The following PATJ variants were observed in gnomAD, a reference collection of about 807,000 sequenced individuals.
The protein encoded by PATJ is inaD-like protein.
Under a neutral mutation model 224.9 loss-of-function variants are expected in PATJ, and 190 were observed. The observed-to-expected ratio is 0.84, with a 90% CI of 0.75 to 0.95. The LOEUF is 0.95. PATJ is among the 40% of genes least tolerant of loss of function. The pLI, the probability that PATJ is intolerant of heterozygous loss-of-function variation, is 0.00. For synonymous variants in PATJ, 769 were observed against 820.3 expected, an observed-to-expected ratio of 0.94 and a Z score of 1.07; for missense variants, 2,121 against 2,270.3, an observed-to-expected ratio of 0.93 and a Z score of 1.34.
At chr1:62,106,115 C>CAT (rs1553268293) in intron 33 of PATJ, among the ~76,000 whole-genome samples, 3,618 of 46,208 alleles carry the variant, frequency 0.078, 492 homozygotes, top group Middle Eastern at 0.15. Flanking sequence ...CACACACACA[C>CAT]ACACAAACAC....
At chr1:62,040,363 C>G (rs1446146694) in intron 30 of PATJ, among the ~76,000 whole-genome samples, 1 of 151,980 alleles carries the variant, frequency 6.6e-6, no homozygotes, top group Non-Finnish European at 1.5e-5. Context: ...CCCGTCTGGG[C>G]CTCCCAAAAG....
chr1:61,921,048 T>C (rs1358293782), intron 26 of PATJ, among the ~76,000 whole-genome samples: 1 of 152,146 alleles, frequency 6.6e-6, no homozygotes, highest in African/African-American at 2.4e-5. Flanking sequence ...CCTCTTTTTC[T>C]CTTCCACCTC....
At chr1:61,996,610 G>A (rs574542290) in intron 28 of PATJ, among the ~76,000 whole-genome samples, 98 of 152,122 alleles carry the variant, frequency 6.4e-4, no homozygotes, top group African/African-American at 2.2e-3. Context: ...GAGACCTCAT[G>A]TAATAAAATA....
Position 61,791,349 on chromosome 1 carries a change from A to T in PATJ, c.1070A>T (p.Asp357Val), listed in dbSNP as rs780923883. ...ATTAAATTTGTTTTTTCCTTTTAGG[A>T]CAGTTCTCTTTTTGAAACTTATAAT... ...PTVASKGPGS[D>V]SSLFETYNVE... Residue 357 changes from aspartate (D) to valine (V), a missense_variant and splice_region_variant, in exon 9 of 44, where the codon GAC (aspartate) becomes GTC (valine). Coordinates refer to ENST00000642238, the MANE Select transcript of PATJ (RefSeq NM_001350145.3). 1.9e-6 allele frequency: 3 copies of T among 1,593,486 alleles called. No homozygotes were observed. The highest frequency in any genetic ancestry group is 1.7e-4 in the Middle Eastern group (1 of 6,016).
chr1:62,037,095 A>G (rs545373750), intron 29 of PATJ, among the ~76,000 whole-genome samples: 1 of 152,240 alleles, frequency 6.6e-6, no homozygotes, highest in Non-Finnish European at 1.5e-5. Context: ...TACATGGGTC[A>G]TATGGAGAGA....
intron 28 of PATJ, among the ~76,000 whole-genome samples, chr1:62,012,086 C>T (rs72677926): frequency 0.16 from 24,274 of 151,864 alleles, 2,175 homozygotes; most frequent in Non-Finnish European, 0.21. Context: ...TGGGCATTTC[C>T]CCCATGTGTT....
At chr1:61,916,587 G>A (rs1285264101) in intron 26 of PATJ, among the ~76,000 whole-genome samples, 5 of 152,160 alleles carry the variant, frequency 3.3e-5, no homozygotes, top group South Asian at 2.1e-4. Context: ...TGAATATGAT[G>A]TACTGTAGGT....
At position 61,868,648 on chromosome 1, in the gene PATJ, G is replaced by A. The variant is rs1205776475; in HGVS notation, c.2835+4015G>A. Among the ~76,000 whole-genome samples the A allele has an allele frequency of 2.6e-5, 4 of 152,060 alleles. No individual in the cohort carries two copies. The East Asian group carries it at 5.8e-4, about 22-fold the overall frequency. ...TACTAAAAATAGAAAAATTAGCCAG[G>A]CATGGTGGTGCATGCCTGTGGTTCC... On this transcript the variant is annotated intron_variant, in intron 20 of 43. Transcript: ENST00000642238.
chr1:61,994,754 A>T (rs182550889), intron 28 of PATJ, among the ~76,000 whole-genome samples: 1 of 152,116 alleles, frequency 6.6e-6, no homozygotes, highest in Non-Finnish European at 1.5e-5. Flanking sequence ...GGGTTTCACT[A>T]TGTTGGTCAG....
intron 33 of PATJ, among the ~76,000 whole-genome samples, chr1:62,102,574 G>A (rs969314413): frequency 6.6e-6 from 1 of 151,990 alleles, no homozygotes; most frequent in Admixed American, 6.6e-5. Context: ...AATGGGCCAG[G>A]CGTGGTGGTG....
chr1:61,918,213 A>G (rs894542494), intron 26 of PATJ: 2 of 26,184 alleles, frequency 7.6e-5, no homozygotes, highest in Admixed American at 4.4e-4. Context: ...TGGATTTTCT[A>G]TTTCTCCTAG....
chr1:61,895,214 G>A (rs570126434), intron 22 of PATJ, among the ~76,000 whole-genome samples: 1 of 152,346 alleles, frequency 6.6e-6, no homozygotes, highest in African/African-American at 2.4e-5. Context: ...GCCTGACCAT[G>A]TGGTAGAAAA....
chr1:61,744,435 C>G (rs2148122431), intron 1 of PATJ, among the ~76,000 whole-genome samples: 1 of 152,184 alleles, frequency 6.6e-6, no homozygotes, highest in East Asian at 1.9e-4. Context: ...TGAGCTTTCT[C>G]CCTCAGGCTC....
intron 12 of PATJ, among the ~76,000 whole-genome samples, chr1:61,803,764 T>C (rs1570596379): frequency 6.6e-6 from 1 of 152,234 alleles, no homozygotes; most frequent in Non-Finnish European, 1.5e-5. Context: ...TTCTTGCATA[T>C]GTATAATTTT....
chr1:61,798,718 C>A (rs1215615774), intron 11 of PATJ, among the ~76,000 whole-genome samples: 1 of 151,412 alleles, frequency 6.6e-6, no homozygotes, highest in Non-Finnish European at 1.5e-5. Context: ...ATAGAGAGAC[C>A]CCTTCTCTAC....
chr1:61,981,601 C>T (rs751273402), intron 27 of PATJ, among the ~76,000 whole-genome samples: 7 of 151,276 alleles, frequency 4.6e-5, no homozygotes, highest in Non-Finnish European at 1.0e-4. Flanking sequence ...AGAAGTATGA[C>T]TGGAGGACAA....
chr1:61,856,966 T>C (rs1243265072), intron 18 of PATJ, among the ~76,000 whole-genome samples: 3 of 152,192 alleles, frequency 2.0e-5, no homozygotes, highest in Non-Finnish European at 2.9e-5. Flanking sequence ...GTATGATAAG[T>C]TGAAATCCTT....
At chr1:61,795,637 G>A (rs1650932671) in intron 10 of PATJ, 79 bp downstream of exon 10, 2 of 797,874 alleles carry the variant, frequency 2.5e-6, no homozygotes, top group East Asian at 2.6e-5. Context: ...TGTGAGAGGG[G>A]GAATAGCTTA....
chr1:61,994,947 C>T (rs1208150184), intron 28 of PATJ, among the ~76,000 whole-genome samples: 1 of 152,068 alleles, frequency 6.6e-6, no homozygotes, highest in Non-Finnish European at 1.5e-5. Flanking sequence ...GAACCATTTC[C>T]CTGTTTTCTT....
Sources: gnomAD v4.1 joint callset for allele counts (sites outside exome capture counted in the v4.1 genomes callset) on GRCh38, gnomAD v4.1.1 for gene constraint, MANE v1.5 for transcripts, NCBI Gene and HGNC (gene_info 2026-07-23, HGNC 2026-07-21) for gene names.